The following BLNK variants were observed in gnomAD, a reference collection of about 807,000 sequenced individuals.
The protein encoded by BLNK is B cell linker.
In BLNK, 29 loss-of-function variants were observed where a neutral mutation model predicts 73.5. The observed-to-expected ratio is 0.39, with a 90% CI of 0.29 to 0.54. The LOEUF (loss-of-function observed/expected upper bound fraction) is 0.54, where lower values mean the gene tolerates loss of function less well. Ranked by LOEUF, BLNK falls within the 20% of genes least tolerant of loss-of-function variation. BLNK has a pLI of 0.61. For missense variants in BLNK, 460 were observed against 562.8 expected (o/e 0.82, Z 1.85); for synonymous variants, 176 against 200.8 (o/e 0.88, Z 1.04).
chr10:96,228,506 C>G (rs953098375), intron 4 of BLNK, among the ~76,000 whole-genome samples: 1 of 152,196 alleles, frequency 6.6e-6, no homozygotes, highest in Non-Finnish European at 1.5e-5. Context: ...ATCTGCCAGC[C>G]TCGGCCTCCC....
chr10:96,236,199 C>T (rs1013582145), intron 3 of BLNK, among the ~76,000 whole-genome samples: 9 of 152,148 alleles, frequency 5.9e-5, no homozygotes, highest in Non-Finnish European at 8.8e-5. Context: ...GCCTCAGCTG[C>T]AGCCCTGATC....
intron 1 of BLNK, among the ~76,000 whole-genome samples, chr10:96,249,245 T>C (rs1309190150): frequency 6.6e-6 from 1 of 152,240 alleles, no homozygotes; most frequent in Non-Finnish European, 1.5e-5. Flanking sequence ...AGAAATAGTT[T>C]AGCATAGGTC....
At chr10:96,271,181 G>A (rs1445692902) in intron 1 of BLNK, among the ~76,000 whole-genome samples, 171 bp downstream of exon 1, 1 of 152,130 alleles carries the variant, frequency 6.6e-6, no homozygotes, top group Non-Finnish European at 1.5e-5. Context: ...CTTCCCTATA[G>A]CAAGTGCCAC....
At chr10:96,226,029 A>T (rs1842243467) in intron 5 of BLNK, among the ~76,000 whole-genome samples, 1 of 152,124 alleles carries the variant, frequency 6.6e-6, no homozygotes, top group African/African-American at 2.4e-5. Context: ...TGATTGAAAA[A>T]GATCATTCAC....
intron 15 of BLNK, chr10:96,199,634 T>A (rs1303911012): frequency 2.4e-5 from 10 of 414,490 alleles, no homozygotes; most frequent in South Asian, 1.4e-4. Context: ...AAGATCCTTG[T>A]ATCTACACTT....
intron 8 of BLNK, among the ~76,000 whole-genome samples, chr10:96,210,863 GTTT>G (rs377260098): frequency 3.3e-5 from 4 of 121,934 alleles, no homozygotes; most frequent in Admixed American, 8.3e-5. Context: ...CCACAATTCC[GTTT>G]TTTTTTTTTT....
At chr10:96,214,597 G>A (rs1404485101) in intron 8 of BLNK, among the ~76,000 whole-genome samples, 4 of 152,242 alleles carry the variant, frequency 2.6e-5, no homozygotes, top group East Asian at 3.9e-4. Context: ...GAGGCTCTAC[G>A]CATTGAGAAA....
chr10:96,230,229 G>A (rs587672156), intron 4 of BLNK, among the ~76,000 whole-genome samples: 19 of 152,214 alleles, frequency 1.2e-4, no homozygotes, highest in South Asian at 4.2e-4. Flanking sequence ...CTGTGGCTCC[G>A]GAGCTCTGCT....
At chr10:96,256,862 CAG>C (rs1843537558) in intron 1 of BLNK, among the ~76,000 whole-genome samples, 1 of 110,928 alleles carries the variant, frequency 9.0e-6, no homozygotes, top group Non-Finnish European at 1.7e-5. Flanking sequence ...GCCTGGGCGA[CAG>C]AGTGAGACTC....
At position 96,201,057 on chromosome 10, in the gene BLNK, T is replaced by C. The variant is rs1554896023; in HGVS notation, c.936A>G (p.Arg312=). The change falls in exon 14 of 17, where the codon AGA becomes AGG. Residue 312 remains arginine, a splice_region_variant and synonymous_variant. Transcript: ENST00000224337. ...QIHQKPIPLP[R]FTEGGNPTVD... ...CAGTTGGGTTTCCCCCTTCTGTAAATCCTGAAAGGGATCAGAAAAGTCCTT... is the reference window on the plus strand; with the variant it reads ...CAGTTGGGTTTCCCCCTTCTGTAAACCCTGAAAGGGATCAGAAAAGTCCTT... 6.2e-7 allele frequency: 1 copy of C among 1,613,734 alleles called. No individual in the cohort carries two copies. Among genetic ancestry groups the C allele is most frequent in the Non-Finnish European group, 8.5e-7 (1 of 1,179,648 alleles).
chr10:96,267,747 T>G (rs1844075203), intron 1 of BLNK, among the ~76,000 whole-genome samples: 1 of 152,042 alleles, frequency 6.6e-6, no homozygotes, highest in Non-Finnish European at 1.5e-5. Flanking sequence ...GACAAAATAG[T>G]CAAAATAGTC....
intron 2 of BLNK, among the ~76,000 whole-genome samples, chr10:96,245,021 G>A (rs373728922): frequency 1.1e-4 from 16 of 152,004 alleles, no homozygotes; most frequent in East Asian, 5.8e-4. Context: ...CATAAAGAAT[G>A]AGATTCTATC....
chr10:96,262,189 A>G (rs1843787285), intron 1 of BLNK, among the ~76,000 whole-genome samples: 1 of 152,194 alleles, frequency 6.6e-6, no homozygotes, highest in South Asian at 2.1e-4. Context: ...CAGATAAATG[A>G]GTCCTGCGTG....
At chr10:96,253,362 C>T (rs1286116374) in intron 1 of BLNK, among the ~76,000 whole-genome samples, 1 of 152,028 alleles carries the variant, frequency 6.6e-6, no homozygotes, top group African/African-American at 2.4e-5. Flanking sequence ...ATGACCAGAC[C>T]ACATGGCAAT....
chr10:96,212,722 C>T (rs2083977237), intron 8 of BLNK, among the ~76,000 whole-genome samples: 1 of 152,186 alleles, frequency 6.6e-6, no homozygotes, highest in Non-Finnish European at 1.5e-5. Context: ...ACAGAAACAC[C>T]AACTAGGCAC....
chr10:96,267,403 T>C (rs1408168533), intron 1 of BLNK, among the ~76,000 whole-genome samples: 1 of 152,120 alleles, frequency 6.6e-6, no homozygotes, highest in Admixed American at 6.6e-5. Flanking sequence ...GTGTGAGGGC[T>C]GACGAGGATA....
chr10:96,226,464 A>G (rs782810512), intron 5 of BLNK, among the ~76,000 whole-genome samples: 74 of 152,202 alleles, frequency 4.9e-4, no homozygotes, highest in Admixed American at 2.7e-3. Flanking sequence ...TGGCATCGCC[A>G]TGACCATCAC....
At chr10:96,215,961 C>A in intron 7 of BLNK, 1 of 161,406 alleles carries the variant, frequency 6.2e-6, no homozygotes, top group Non-Finnish European at 1.4e-5. Context: ...GTACGGAGTA[C>A]GGGAGAGGGT....
intron 6 of BLNK, among the ~76,000 whole-genome samples, chr10:96,222,112 G>A (rs868910448): frequency 1.4e-4 from 21 of 152,348 alleles, no homozygotes; most frequent in Middle Eastern, 6.8e-3. Context: ...GTGAGGCACT[G>A]TATTTAGTGC....
Sources: allele counts gnomAD v4.1 joint callset (sites outside exome capture counted in the v4.1 genomes callset), GRCh38; gene constraint gnomAD v4.1.1; transcripts MANE v1.5; gene names NCBI Gene and HGNC (gene_info 2026-07-23, HGNC 2026-07-21).